OR56A3: variants seen among roughly 807,000 people sequenced by gnomAD.
OR56A3 encodes olfactory receptor family 56 subfamily A member 3.
In OR56A3, 23 loss-of-function variants were observed where a neutral mutation model predicts 17.5. That is an observed-to-expected ratio of 1.32 (90% CI 0.95 to 1.87). OR56A3 has a LOEUF of 1.87. Among genes scored for constraint, OR56A3 ranks in the 40% most tolerant of loss-of-function variants. The pLI is 0.00. For missense variants in OR56A3, 366 were observed against 380.1 expected (o/e 0.96, Z 0.31); for synonymous variants, 175 against 150.6 (o/e 1.16, Z -1.19).
downstream of OR56A3, among the ~76,000 whole-genome samples, chr11:5,952,614 G>T (rs1164475476): frequency 6.6e-6 from 1 of 151,862 alleles, no homozygotes; most frequent in Non-Finnish European, 1.5e-5. Context: ...GATATGCAAG[G>T]CCTATGTATA....
At chr11:5,952,054 T>C (rs944355950), downstream of OR56A3, among the ~76,000 whole-genome samples, 4 of 152,208 alleles carry the variant, frequency 2.6e-5, no homozygotes, top group African/African-American at 9.7e-5. Context: ...AATATAGATA[T>C]GTTCCAAGTG....
the OR56A3 span, among the ~76,000 whole-genome samples, chr11:5,984,906 C>T: frequency 9.2e-5 from 14 of 152,168 alleles, no homozygotes; most frequent in African/African-American, 2.9e-4. Context: ...AAATGTGTTA[C>T]CTTCTAGGAA....
chr11:5,957,801 C>T, the OR56A3 span, among the ~76,000 whole-genome samples: 3 of 152,064 alleles, frequency 2.0e-5, no homozygotes, highest in South Asian at 6.2e-4. Flanking sequence ...TGCTAGAAGA[C>T]AGTTTCTTGT....
chr11:5,986,080 T>C, the OR56A3 span: 2 of 1,613,972 alleles, frequency 1.2e-6, no homozygotes, highest in Non-Finnish European at 1.7e-6. Context: ...GGGTACATGA[T>C]GACCAAAGCG....
chr11:6,018,958 A>G, the OR56A3 span, among the ~76,000 whole-genome samples: 360 of 152,146 alleles, frequency 2.4e-3, 2 homozygotes, highest in African/African-American at 7.7e-3. Context: ...TATACAACCT[A>G]ATGAGATTGA....
chr11:6,018,861 T>C, the OR56A3 span, among the ~76,000 whole-genome samples: 2 of 152,082 alleles, frequency 1.3e-5, no homozygotes, highest in Admixed American at 6.6e-5. Flanking sequence ...ACTGATACCA[T>C]AGAAATACAA....
chr11:5,982,951 C>T, the OR56A3 span, among the ~76,000 whole-genome samples: 9 of 152,078 alleles, frequency 5.9e-5, no homozygotes, highest in African/African-American at 1.2e-4. Flanking sequence ...TTCAGCCCAG[C>T]GTCTGTGTCC....
chr11:6,015,343 C>G, the OR56A3 span, among the ~76,000 whole-genome samples: 9 of 151,214 alleles, frequency 6.0e-5, no homozygotes, highest in African/African-American at 2.0e-4. Flanking sequence ...ATCCCAGCTG[C>G]TCTAGCTCCA....
chr11:6,002,793 C>T, the OR56A3 span: 1 of 1,613,558 alleles, frequency 6.2e-7, no homozygotes, highest in Non-Finnish European at 8.5e-7. Flanking sequence ...GGAGAGGAGG[C>T]TGAGCAGGTA....
rs567305004 is a variant in OR56A3 at position 5,945,085 on chromosome 11, A to G, written c.-37+3A>G. The G allele has an allele frequency of 5.3e-5, 8 of 152,360 alleles. No individual in the cohort carries two copies. The highest frequency in any genetic ancestry group is 1.9e-4 in the African/African-American group (8 of 41,598). 9.4% of individuals were successfully genotyped at this position (152,360 alleles called of 1,614,324 possible). On this transcript the variant is annotated splice_donor_region_variant and intron_variant, in intron 2 of 2. Transcript: ENST00000641160. Reference sequence around the variant, plus strand: ...CCTACCTGAACCTCTTCCAAAAAGTATGTTTCCATCAGTAGGAAAATATCA... The same window carrying G: ...CCTACCTGAACCTCTTCCAAAAAGTGTGTTTCCATCAGTAGGAAAATATCA...
At chr11:6,002,412 T>A in the OR56A3 span, 1 of 1,614,214 alleles carries the variant, frequency 6.2e-7, no homozygotes, top group Non-Finnish European at 8.5e-7. Flanking sequence ...GAAAGTGATG[T>A]CATCACAAGA....
the OR56A3 span, chr11:5,968,460 A>G: frequency 2.6e-6 from 4 of 1,565,470 alleles, no homozygotes; most frequent in Non-Finnish European, 2.6e-6. Context: ...GAATTCAAAG[A>G]CTGGGGAAGT....
chr11:5,961,103 C>T, the OR56A3 span, among the ~76,000 whole-genome samples: 6 of 151,332 alleles, frequency 4.0e-5, no homozygotes, highest in East Asian at 2.0e-4. Flanking sequence ...GGGCAGCCCG[C>T]GCCCGGCCAG....
At chr11:5,966,227 A>AT in the OR56A3 span, among the ~76,000 whole-genome samples, 3 of 150,014 alleles carry the variant, frequency 2.0e-5, no homozygotes, top group African/African-American at 7.4e-5. Flanking sequence ...AAAAAAAAAA[A>AT]ACCGGGCATG....
chr11:5,990,845 G>A, the OR56A3 span, among the ~76,000 whole-genome samples: 2 of 152,180 alleles, frequency 1.3e-5, no homozygotes, highest in African/African-American at 4.8e-5. Context: ...GGTCAGCCTG[G>A]AGGGAGACTG....
the OR56A3 span, among the ~76,000 whole-genome samples, chr11:5,963,965 T>C: frequency 6.6e-6 from 1 of 152,150 alleles, no homozygotes; most frequent in South Asian, 2.1e-4. Flanking sequence ...TGTCTACAGA[T>C]TCTTTCTTCT....
At chr11:6,007,114 T>C in the OR56A3 span, among the ~76,000 whole-genome samples, 6 of 152,120 alleles carry the variant, frequency 3.9e-5, no homozygotes, top group Non-Finnish European at 8.8e-5. Flanking sequence ...GTGTTCAGCA[T>C]TGGGAGTAGA....
chr11:5,997,043 A>G, the OR56A3 span, among the ~76,000 whole-genome samples: 5 of 152,212 alleles, frequency 3.3e-5, no homozygotes, highest in African/African-American at 4.8e-5. Context: ...GGAGGGGTGA[A>G]TTATAGTTGA....
the OR56A3 span, chr11:5,994,931 A>C: frequency 1.3e-6 from 1 of 748,702 alleles, no homozygotes; most frequent in African/African-American, 1.7e-5. Flanking sequence ...CTCATTCTGG[A>C]TGCCTCCCAT....
Sources: gnomAD v4.1 joint callset for allele counts (sites outside exome capture counted in the v4.1 genomes callset) on GRCh38, gnomAD v4.1.1 for gene constraint, MANE v1.5 for transcripts, NCBI Gene and HGNC (gene_info 2026-07-23, HGNC 2026-07-21) for gene names.